Variants in MTMR7 observed in about 807,000 individuals in gnomAD.
MTMR7 encodes the protein myotubularin related protein 7.
MTMR7 carries 76 observed loss-of-function variants against 81.2 expected under a neutral mutation model. The ratio of observed to expected loss-of-function variants is 0.94; its 90% CI spans 0.78 to 1.13. The LOEUF (loss-of-function observed/expected upper bound fraction) is 1.13. Ranked by LOEUF, MTMR7 falls within the 50% of genes most tolerant of loss-of-function variation. MTMR7 has a pLI of 0.00. For missense variants in MTMR7, 1,044 were observed against 820.0 expected, an observed-to-expected ratio of 1.27 and a Z score of -3.34; for synonymous variants, 372 against 289.8, an observed-to-expected ratio of 1.28 and a Z score of -2.88.
chr8:17,403,015 T>A (rs1821473625), intron 1 of MTMR7, among the ~76,000 whole-genome samples: 2 of 152,228 alleles, frequency 1.3e-5, no homozygotes, highest in African/African-American at 4.8e-5. Context: ...GAGCACCTTT[T>A]CATATACCTG....
At chr8:17,376,784 C>T (rs1414348753) in intron 1 of MTMR7, among the ~76,000 whole-genome samples, 1 of 151,984 alleles carries the variant, frequency 6.6e-6, no homozygotes, top group African/African-American at 2.4e-5. Context: ...GTGAAAGTGA[C>T]CTAATCCTAG....
At chr8:17,392,744 A>C (rs959861450) in intron 1 of MTMR7, among the ~76,000 whole-genome samples, 6 of 152,220 alleles carry the variant, frequency 3.9e-5, no homozygotes, top group Non-Finnish European at 8.8e-5. Context: ...TTCTTTGCAG[A>C]GTTCCTCCAG....
intron 6 of MTMR7, among the ~76,000 whole-genome samples, chr8:17,334,996 G>A (rs1358814479): frequency 2.6e-5 from 4 of 152,194 alleles, no homozygotes; most frequent in Admixed American, 6.5e-5. Context: ...AAGAGGGAAG[G>A]CTAGAAAGCA....
chr8:17,343,000 C>G (rs1015939158), intron 5 of MTMR7, among the ~76,000 whole-genome samples: 2 of 152,116 alleles, frequency 1.3e-5, no homozygotes, highest in African/African-American at 4.8e-5. Context: ...TCAAATGACA[C>G]AGATGGCTTT....
At chr8:17,378,512 T>C (rs564038210) in intron 1 of MTMR7, among the ~76,000 whole-genome samples, 3 of 152,286 alleles carry the variant, frequency 2.0e-5, no homozygotes, top group African/African-American at 7.2e-5. Flanking sequence ...ATGCTGTACA[T>C]ACTACAAAGT....
intron 1 of MTMR7, among the ~76,000 whole-genome samples, chr8:17,397,729 G>C (rs1821305022): frequency 1.3e-5 from 2 of 152,112 alleles, no homozygotes; most frequent in South Asian, 4.1e-4. Context: ...AGTGAACTTT[G>C]GAAGTAGCCA....
At position 17,300,186 on chromosome 8, in the gene MTMR7, A is replaced by G; in HGVS notation, c.1659T>C (p.Thr553=). 1 of 1,613,370 alleles carries G rather than the reference A, an allele frequency of 6.2e-7. No homozygotes were observed. The highest frequency in any genetic ancestry group is 1.3e-5 in the African/African-American group (1 of 75,020). Residue 553 remains threonine, a synonymous_variant, in exon 14 of 14, where the codon ACT becomes ACC. Transcript: ENST00000180173. ...EKIQKVQLNC[T]KVKSKQSEPS... is the part of the protein sequence containing the mutation. ...GCTCACTTTGCTTACTCTTCACCTT[A>G]GTGCAATTTAACTGGACCTTTTGAA...
rs578072095 is a variant in MTMR7 at position 17,313,326 on chromosome 8, T to C, written c.941A>G (p.Lys314Arg). 3 of 1,613,520 alleles carry C rather than the reference T, an allele frequency of 1.9e-6. No individual in the cohort carries two copies. The highest frequency in any genetic ancestry group is 3.3e-4 in the Middle Eastern group (2 of 6,062). The change falls in exon 8 of 14, where the codon AAA becomes AGA. Residue 314 changes from lysine (K) to arginine (R), a missense_variant. Lys to Arg is a conservative substitution (Grantham distance 26). Transcript: ENST00000180173. ...GAAGATTCCTGCATCCATTATGGCT[T>C]TAATGTGCCTTAACCAGCCAGAGTT... Reference protein sequence around the residue: ...LENSGWLRHIKAIMDAGIFIA... With the variant: ...LENSGWLRHIRAIMDAGIFIA...
chr8:17,340,763 T>C (rs1306175060), intron 6 of MTMR7, among the ~76,000 whole-genome samples: 2 of 152,204 alleles, frequency 1.3e-5, no homozygotes, highest in African/African-American at 4.8e-5. Context: ...AATCAACAAG[T>C]AGAAAGCCCT....
intron 10 of MTMR7, among the ~76,000 whole-genome samples, chr8:17,307,467 A>G (rs1480206187): frequency 2.0e-5 from 3 of 152,148 alleles, no homozygotes; most frequent in African/African-American, 7.2e-5. Flanking sequence ...CCATTGTGGA[A>G]GTCAGTGTGG....
intron 10 of MTMR7, among the ~76,000 whole-genome samples, chr8:17,306,512 C>T (rs1425542743): frequency 1.3e-5 from 2 of 152,142 alleles, no homozygotes; most frequent in Non-Finnish European, 2.9e-5. Flanking sequence ...TCTTTTATCT[C>T]CCATTGCTTT....
intron 12 of MTMR7, 136 bp downstream of exon 12, chr8:17,304,243 A>G (rs568151891): frequency 5.6e-6 from 5 of 896,888 alleles, no homozygotes; most frequent in South Asian, 3.3e-5. Flanking sequence ...CAGATATTCA[A>G]GCATCTCCCT....
chr8:17,405,334 C>T (rs778129454), intron 1 of MTMR7, among the ~76,000 whole-genome samples: 35 of 152,168 alleles, frequency 2.3e-4, no homozygotes, highest in Admixed American at 3.9e-4. Flanking sequence ...AAAGGACATT[C>T]GTATTCCTGT....
chr8:17,361,732 T>TA (rs1393089636), intron 3 of MTMR7, among the ~76,000 whole-genome samples: 1 of 151,948 alleles, frequency 6.6e-6, no homozygotes, highest in African/African-American at 2.4e-5. Flanking sequence ...CTCACAGGGT[T>TA]AAAAAAGAAA....
At chr8:17,380,399 T>C (rs1346583076) in intron 1 of MTMR7, among the ~76,000 whole-genome samples, 1 of 152,152 alleles carries the variant, frequency 6.6e-6, no homozygotes, top group African/African-American at 2.4e-5. Context: ...CATTTCATAG[T>C]TCTGTTGAAC....
intron 3 of MTMR7, among the ~76,000 whole-genome samples, chr8:17,369,641 C>CTTTTTTTTTTT (rs71212689): frequency 1.3e-4 from 14 of 106,242 alleles, no homozygotes; most frequent in East Asian, 2.9e-4. Flanking sequence ...TTCTTTTTTT[C>CTTTTTTTTTTT]TTTTTTTTTT....
At chr8:17,371,904 T>TA (rs570658724) in intron 2 of MTMR7, among the ~76,000 whole-genome samples, 252 of 145,832 alleles carry the variant, frequency 1.7e-3, no homozygotes, top group Non-Finnish European at 2.9e-3. Context: ...TTTACTCTCA[T>TA]AATTATTTTG....
intron 1 of MTMR7, among the ~76,000 whole-genome samples, chr8:17,403,432 C>G (rs1302877453): frequency 3.3e-5 from 5 of 152,120 alleles, no homozygotes; most frequent in African/African-American, 9.7e-5. Context: ...TTCCAGCGGT[C>G]TATGTCTCTG....
chr8:17,385,540 C>T (rs6996711), intron 1 of MTMR7, among the ~76,000 whole-genome samples: 81,394 of 152,026 alleles, frequency 0.54, 22,329 homozygotes, highest in Admixed American at 0.65. Flanking sequence ...TCTTCCGCCA[C>T]GATTGTGAGG....
Sources: gnomAD v4.1 joint callset for allele counts (sites outside exome capture counted in the v4.1 genomes callset) on GRCh38, gnomAD v4.1.1 for gene constraint, MANE v1.5 for transcripts, NCBI Gene and HGNC (gene_info 2026-07-23, HGNC 2026-07-21) for gene names.